NCOA1: variants seen among roughly 807,000 people sequenced by gnomAD.
NCOA1 encodes the protein nuclear receptor coactivator 1.
Under a neutral mutation model 150.9 loss-of-function variants are expected in NCOA1, and 35 were observed. That is an observed-to-expected ratio of 0.23 (90% CI 0.18 to 0.31). The LOEUF (loss-of-function observed/expected upper bound fraction) is 0.31, where lower values mean the gene tolerates loss of function less well. NCOA1 is among the 10% of genes least tolerant of loss of function. The pLI, the probability that NCOA1 is intolerant of heterozygous loss-of-function variation, is 1.00. For synonymous variants in NCOA1, 590 were observed against 630.0 expected (o/e 0.94, Z 0.95); for missense variants, 1,491 against 1,749.3 (o/e 0.85, Z 2.63).
At chr2:24,671,824 A>T (rs1341329630) in intron 6 of NCOA1, among the ~76,000 whole-genome samples, 3 of 152,152 alleles carry the variant, frequency 2.0e-5, no homozygotes, top group African/African-American at 7.2e-5. Flanking sequence ...TCATCTTCCC[A>T]AAGTGCTGGG....
At chr2:24,747,327 C>CTTTTTTTTTTTTTTTTTTTT (rs148901218) in intron 19 of NCOA1, among the ~76,000 whole-genome samples, 1 of 120,170 alleles carries the variant, frequency 8.3e-6, no homozygotes, top group African/African-American at 3.1e-5. Context: ...TTATTTTTCT[C>CTTTTTTTTTTTTTTTTTTTT]TTTTTTTTTT....
At chr2:24,588,689 C>A (rs967739579) in intron 3 of NCOA1, among the ~76,000 whole-genome samples, 6 of 152,188 alleles carry the variant, frequency 3.9e-5, no homozygotes, top group African/African-American at 1.4e-4. Context: ...GCCCACACCC[C>A]CAGGCCCTTC....
intron 3 of NCOA1, among the ~76,000 whole-genome samples, chr2:24,605,445 C>T (rs1668322564): frequency 1.3e-5 from 2 of 151,988 alleles, no homozygotes; most frequent in African/African-American, 4.8e-5. Flanking sequence ...ATTTATTTTC[C>T]TGGGTTTATA....
chr2:24,723,655 G>A (rs1267030943), intron 14 of NCOA1, among the ~76,000 whole-genome samples: 1 of 151,774 alleles, frequency 6.6e-6, no homozygotes, highest in Non-Finnish European at 1.5e-5. Context: ...TTCTTTTATT[G>A]TGAATTAGAT....
At chr2:24,627,824 C>G (rs1022256387) in intron 3 of NCOA1, among the ~76,000 whole-genome samples, 3 of 152,194 alleles carry the variant, frequency 2.0e-5, no homozygotes, top group African/African-American at 7.2e-5. Flanking sequence ...TGGATTTTCT[C>G]TGACATCTTG....
At chr2:24,557,433 A>G (rs1666115299) in intron 1 of NCOA1, among the ~76,000 whole-genome samples, 1 of 152,094 alleles carries the variant, frequency 6.6e-6, no homozygotes, top group Admixed American at 6.6e-5. Flanking sequence ...GAACAAAGTA[A>G]GAAAAAGTAG....
chr2:24,720,052 T>C (rs1018252501), intron 14 of NCOA1, among the ~76,000 whole-genome samples: 1 of 152,112 alleles, frequency 6.6e-6, no homozygotes, highest in Non-Finnish European at 1.5e-5. Context: ...TGTTAGGGAA[T>C]TGGGAACCAG....
intron 2 of NCOA1, among the ~76,000 whole-genome samples, chr2:24,583,186 A>G (rs1176393805): frequency 6.6e-6 from 1 of 152,208 alleles, no homozygotes; most frequent in African/African-American, 2.4e-5. Flanking sequence ...ATTAATATCA[A>G]AAATAAGTAA....
chr2:24,723,592 C>T (rs1674464008), intron 14 of NCOA1, among the ~76,000 whole-genome samples: 2 of 152,062 alleles, frequency 1.3e-5, no homozygotes, highest in Non-Finnish European at 1.5e-5. Flanking sequence ...CTCATTTTTG[C>T]CCATCTGATG....
rs1035233153 is a variant in NCOA1 at position 24,742,972 on chromosome 2, A to G, written c.3706+786A>G. Among the ~76,000 whole-genome samples the G allele has an allele frequency of 3.3e-5, 5 of 152,294 alleles. No homozygotes were observed. The East Asian group carries it at 9.6e-4, about 29-fold the overall frequency. On this transcript the variant is annotated intron_variant, in intron 19 of 22. Coordinates refer to ENST00000348332, the MANE Select transcript of NCOA1 (RefSeq NM_003743.5). The stretch of plus-strand genomic sequence containing the variant: ...AATGTCAGTCAACTTTCTGGCTTCC[A>G]AAAGCTTTTTTCTTTTTTAGTCTTT...
chr2:24,596,720 TTTTAATCA>T (rs980602321), intron 3 of NCOA1, among the ~76,000 whole-genome samples: 1 of 152,198 alleles, frequency 6.6e-6, no homozygotes, highest in Non-Finnish European at 1.5e-5. Context: ...TAAACTTAAA[TTTTAATCA>T]TTTTTGTGTA....
intron 1 of NCOA1, among the ~76,000 whole-genome samples, chr2:24,512,670 A>G (rs999585181): frequency 6.6e-5 from 10 of 152,168 alleles, no homozygotes; most frequent in African/African-American, 1.9e-4. Flanking sequence ...CTTTTCATAT[A>G]ACCCAGAATT....
intron 14 of NCOA1, among the ~76,000 whole-genome samples, chr2:24,724,070 TTTTG>T (rs765388901): frequency 3.3e-5 from 5 of 149,972 alleles, no homozygotes; most frequent in Non-Finnish European, 7.4e-5. Context: ...AGGGGGGTTT[TTTTG>T]TTTGTTTTTT....
chr2:24,664,905 C>T (rs1286783632), intron 5 of NCOA1, among the ~76,000 whole-genome samples: 1 of 151,974 alleles, frequency 6.6e-6, no homozygotes, highest in Non-Finnish European at 1.5e-5. Context: ...TTGATGAAAA[C>T]AAAATTTCAA....
At chr2:24,598,967 G>A (rs1051636254) in intron 3 of NCOA1, among the ~76,000 whole-genome samples, 1 of 152,116 alleles carries the variant, frequency 6.6e-6, no homozygotes, top group Non-Finnish European at 1.5e-5. Flanking sequence ...CTAAGCCCAA[G>A]TACAGGAGAT....
Position 24,637,281 on chromosome 2 carries a change from G to A in NCOA1, c.-174-6685G>A, listed in dbSNP as rs56061539. Among the ~76,000 whole-genome samples, 818 of 130,570 alleles carry A rather than the reference G, an allele frequency of 6.3e-3. 12 individuals carry two copies. Among genetic ancestry groups the A allele is most frequent in the African/African-American group, 0.022 (750 of 33,534 alleles). The allele number at this position is 130,570 out of a possible 152,430, so 85.7% of individuals were successfully genotyped here. A position where few individuals can be genotyped will look rare whatever the true frequency, so the allele number is the denominator to read the frequency against. ...CAGAGTGTGATGTTCCCCTTCCTGT[G>A]TCCACGTGTCAGGGATCTAGAACGA... On this transcript the variant is annotated intron_variant, in intron 3 of 22. Coordinates refer to ENST00000348332, the MANE Select transcript of NCOA1 (RefSeq NM_003743.5).
chr2:24,648,169 T>C (rs1670559173), intron 4 of NCOA1, among the ~76,000 whole-genome samples: 1 of 152,146 alleles, frequency 6.6e-6, no homozygotes, highest in Non-Finnish European at 1.5e-5. Flanking sequence ...ATCAATAAAA[T>C]ATTGCCGAAT....
At chr2:24,748,019 TTGCTTGAACCC>T (rs1664024926) in intron 19 of NCOA1, among the ~76,000 whole-genome samples, 1 of 151,858 alleles carries the variant, frequency 6.6e-6, no homozygotes, top group South Asian at 2.1e-4. Context: ...GGCAAGAGAA[TTGCTTGAACCC>T]AGGAGGCGGA....
At chr2:24,635,019 T>C (rs927373482) in intron 3 of NCOA1, among the ~76,000 whole-genome samples, 1 of 152,086 alleles carries the variant, frequency 6.6e-6, no homozygotes, top group African/African-American at 2.4e-5. Context: ...ATACCTGCCC[T>C]AGAAAACACT....
Sources: allele counts gnomAD v4.1 joint callset (sites outside exome capture counted in the v4.1 genomes callset), GRCh38; gene constraint gnomAD v4.1.1; transcripts MANE v1.5; gene names NCBI Gene and HGNC (gene_info 2026-07-23, HGNC 2026-07-21).